NOTCH2NLB: variants seen among roughly 807,000 people sequenced by gnomAD.
NOTCH2NLB encodes the protein notch 2 N-terminal like B.
In NOTCH2NLB, 1 loss-of-function variant was observed where a neutral mutation model predicts 14.8. That is an observed-to-expected ratio of 0.07 (90% CI 0.02 to 0.32). The LOEUF (loss-of-function observed/expected upper bound fraction) is 0.32, where lower values mean the gene tolerates loss of function less well. Ranked by LOEUF, NOTCH2NLB falls within the 10% of genes least tolerant of loss-of-function variation. The pLI is 1.00. For missense variants in NOTCH2NLB, 11 were observed against 155.0 expected (o/e 0.07, Z 4.93); for synonymous variants, 6 against 57.5 (o/e 0.10, Z 4.05).
At chr1:148,628,037 ATCAG>A (rs1317521460) in intron 2 of NOTCH2NLB, among the ~76,000 whole-genome samples, 11 of 119,594 alleles carry the variant, frequency 9.2e-5, no homozygotes, top group Non-Finnish European at 1.9e-4. Flanking sequence ...TCACCCCTAT[ATCAG>A]TCAAATTGGG....
exon 4 of NOTCH2NLB, chr1:148,607,504 G>C: frequency 1.5e-6 from 2 of 1,298,734 alleles, no homozygotes; most frequent in Non-Finnish European, 2.2e-6. Flanking sequence ...CATACAGGCT[G>C]TCACAGTACT....
intron 3 of NOTCH2NLB, among the ~76,000 whole-genome samples, chr1:148,608,253 G>C (rs1196053407): frequency 1.5e-5 from 2 of 136,800 alleles, no homozygotes; most frequent in African/African-American, 6.5e-5. Context: ...TGGGCATGGT[G>C]GCGCGCACCT....
At position 148,645,550 on chromosome 1, in the gene NOTCH2NLB, C is replaced by A. The variant is rs1452841722; in HGVS notation, c.4-5461G>T. 3.4e-5 allele frequency among the ~76,000 whole-genome samples: 5 copies of A among 148,250 alleles called. No homozygotes were observed. In the South Asian group the frequency reaches 8.6e-4, roughly 26 times the overall value. ...CTTACGTGCCCAGTATTACTCCCCACCACTTCCACTGCATTCTCTGCCCAG... is the reference window on the plus strand; with the variant it reads ...CTTACGTGCCCAGTATTACTCCCCAACACTTCCACTGCATTCTCTGCCCAG... On this transcript the variant is annotated intron_variant, in intron 1 of 4. Transcript: ENST00000593495.
chr1:148,615,247 A>C (rs1663777512), intron 3 of NOTCH2NLB, among the ~76,000 whole-genome samples: 2 of 89,680 alleles, frequency 2.2e-5, no homozygotes, highest in African/African-American at 7.0e-5. Flanking sequence ...CAATTCTTCC[A>C]CTTCAGCCTC....
intron 3 of NOTCH2NLB, among the ~76,000 whole-genome samples, chr1:148,610,871 T>C (rs1163798310): frequency 1.9e-3 from 78 of 40,816 alleles, no homozygotes; most frequent in African/African-American, 5.0e-3. Context: ...CCAGCCTGGA[T>C]GACAAAGCAA....
chr1:148,633,424 G>A lies in NOTCH2NLB; in HGVS notation c.77+6592C>T. ...AAAAATTAGCCGGGCGTGGTGGCGG[G>A]CGCTTGTAGTCCCGGCTACTTGAGA... On this transcript the variant is annotated intron_variant, in intron 2 of 4. Coordinates refer to ENST00000593495, the Ensembl canonical transcript of NOTCH2NLB. Among the ~76,000 whole-genome samples, 2 of 84,728 alleles carry A rather than the reference G, an allele frequency of 2.4e-5. 1 individual carries two copies. Among genetic ancestry groups the A allele is most frequent in the South Asian group, 9.9e-4 (2 of 2,030 alleles). The allele number at this position is 84,728 out of a possible 152,430, so 55.6% of individuals were successfully genotyped here.
intron 1 of NOTCH2NLB, among the ~76,000 whole-genome samples, chr1:148,656,081 T>TTAAC (rs1302583160): frequency 1.1e-5 from 1 of 94,196 alleles, no homozygotes; most frequent in East Asian, 5.6e-4. Context: ...TTACTTAGAG[T>TTAAC]TAACATATGC....
chr1:148,660,427 A>G (rs1322378544), intron 1 of NOTCH2NLB, among the ~76,000 whole-genome samples: 2 of 141,986 alleles, frequency 1.4e-5, no homozygotes, highest in East Asian at 4.0e-4. Context: ...CCTTTGAAAA[A>G]TAAGAAGATT....
chr1:148,604,877 G>A (rs1339249723), downstream of NOTCH2NLB, among the ~76,000 whole-genome samples: 1 of 132,920 alleles, frequency 7.5e-6, no homozygotes, highest in African/African-American at 2.8e-5. Flanking sequence ...AAGTCATCTG[G>A]TTTAGATTAT....
chr1:148,614,915 G>A (rs1365267861), intron 3 of NOTCH2NLB, among the ~76,000 whole-genome samples: 1 of 14,942 alleles, frequency 6.7e-5, no homozygotes. Flanking sequence ...AAAAGAGGGC[G>A]CAAAACAGTG....
intron 2 of NOTCH2NLB, among the ~76,000 whole-genome samples, chr1:148,629,203 CA>C (rs1225615805): frequency 2.7e-5 from 2 of 75,256 alleles, no homozygotes; most frequent in African/African-American, 1.6e-4. Context: ...ATTAGTTATA[CA>C]AGGCTAAAAC....
At chr1:148,629,650 CAAG>C (rs1664061048) in intron 2 of NOTCH2NLB, among the ~76,000 whole-genome samples, 1 of 110,090 alleles carries the variant, frequency 9.1e-6, no homozygotes, top group Non-Finnish European at 1.8e-5. Flanking sequence ...AAATTAAAGT[CAAG>C]GAGGTACAGA....
Position 148,632,892 on chromosome 1 carries a change from G to A in NOTCH2NLB, c.77+7124C>T, listed in dbSNP as rs1468141950. ...AATATCCTCTATCCCCACCTTCACT[G>A]CCCTCTTCTTCTATTTCATCCACAG... On this transcript the variant is annotated intron_variant, in intron 2 of 4. Coordinates refer to ENST00000593495, the Ensembl canonical transcript of NOTCH2NLB. Among the ~76,000 whole-genome samples the A allele has an allele frequency of 3.4e-5, 4 of 116,426 alleles. 1 individual carries two copies. Among genetic ancestry groups the A allele is most frequent in the Admixed American group, 8.0e-5 (1 of 12,570 alleles). 76.4% of individuals were successfully genotyped at this position (116,426 alleles called of 152,430 possible). A position where few individuals can be genotyped will look rare whatever the true frequency, so the allele number is the denominator to read the frequency against.
intron 3 of NOTCH2NLB, among the ~76,000 whole-genome samples, chr1:148,608,190 C>A (rs1663566323): frequency 7.4e-6 from 1 of 135,654 alleles, no homozygotes; most frequent in Admixed American, 6.9e-5. Context: ...AGTTCAAGAC[C>A]AGCCCAGCCA....
chr1:148,648,994 CT>C (rs1229109985), intron 1 of NOTCH2NLB, among the ~76,000 whole-genome samples: 1 of 6,136 alleles, frequency 1.6e-4, no homozygotes, highest in Admixed American at 1.6e-3. Flanking sequence ...CACTCTTAGC[CT>C]CCTATAAATC....
At chr1:148,627,625 G>T (rs1407597678) in intron 2 of NOTCH2NLB, among the ~76,000 whole-genome samples, 1 of 151,328 alleles carries the variant, frequency 6.6e-6, no homozygotes, top group South Asian at 2.1e-4. Context: ...TGTTCAGTCA[G>T]CCCAAAATGC....
At chr1:148,625,383 G>A (rs1363553007) in intron 2 of NOTCH2NLB, among the ~76,000 whole-genome samples, 1 of 85,072 alleles carries the variant, frequency 1.2e-5, no homozygotes. Context: ...GGCCATTCAA[G>A]AAACAACAAC....
rs1206402536 is a variant in NOTCH2NLB at position 148,679,705 on chromosome 1, C to T, written c.-241G>A. 8 of 1,019,958 alleles carry T rather than the reference C, an allele frequency of 7.8e-6. No homozygotes were observed. The African/African-American group carries it at 1.3e-4, about 16-fold the overall frequency. 63.2% of individuals were successfully genotyped at this position (1,019,958 alleles called of 1,614,324 possible). On this transcript the variant is annotated 5_prime_UTR_variant, in exon 1 of 5. Coordinates refer to ENST00000593495, the Ensembl canonical transcript of NOTCH2NLB. ...GCCTCGACTCCCCGCGCCCGGAGTC[C>T]GCCGCTCCTCGGCCGCCGCCTCAGC... is the stretch of plus-strand genomic sequence containing the variant.
chr1:148,613,264 T>C (rs1663747123), intron 3 of NOTCH2NLB, among the ~76,000 whole-genome samples: 1 of 144,794 alleles, frequency 6.9e-6, no homozygotes, highest in African/African-American at 2.6e-5. Flanking sequence ...TTATTGTCTT[T>C]ATTTGAAGAT....
Sources: gnomAD v4.1 joint callset for allele counts (sites outside exome capture counted in the v4.1 genomes callset) on GRCh38, gnomAD v4.1.1 for gene constraint, MANE v1.5 for transcripts, NCBI Gene and HGNC (gene_info 2026-07-23, HGNC 2026-07-21) for gene names.